PRKN: variants seen among roughly 807,000 people sequenced by gnomAD.
PRKN encodes E3 ubiquitin-protein ligase parkin.
A neutral mutation model predicts 59.5 loss-of-function variants in PRKN; 56 were observed. The observed-to-expected ratio is 0.94, with a 90% CI of 0.76 to 1.18. PRKN has a LOEUF of 1.18. PRKN is among the 50% of genes most tolerant of loss of function. The pLI is 0.00. For missense variants in PRKN, 657 were observed against 596.4 expected, an observed-to-expected ratio of 1.10 and a Z score of -1.06; for synonymous variants, 250 against 222.1, an observed-to-expected ratio of 1.13 and a Z score of -1.12.
At chr6:161,993,089 G>T (rs1309342307) in intron 5 of PRKN, among the ~76,000 whole-genome samples, 1 of 151,808 alleles carries the variant, frequency 6.6e-6, no homozygotes. Flanking sequence ...TTAGTAGAAG[G>T]AAAGAAATAA....
intron 3 of PRKN, among the ~76,000 whole-genome samples, chr6:162,250,211 A>G (rs1348320635): frequency 6.6e-6 from 1 of 152,012 alleles, no homozygotes; most frequent in Non-Finnish European, 1.5e-5. Context: ...AATGGAGTGT[A>G]AAAAAATAGC....
chr6:161,991,336 G>T (rs944376810), intron 5 of PRKN, among the ~76,000 whole-genome samples: 140 of 152,140 alleles, frequency 9.2e-4, no homozygotes, highest in African/African-American at 3.3e-3. Context: ...ACACAAAGGA[G>T]AAATGAAGGA....
At chr6:161,754,014 T>C (rs1357699045) in intron 7 of PRKN, among the ~76,000 whole-genome samples, 3 of 152,080 alleles carry the variant, frequency 2.0e-5, no homozygotes, top group Non-Finnish European at 4.4e-5. Context: ...GCCCAGTGTG[T>C]ATCTGCGGAG....
At chr6:161,662,883 G>A (rs1013112040) in intron 7 of PRKN, among the ~76,000 whole-genome samples, 1 of 152,128 alleles carries the variant, frequency 6.6e-6, no homozygotes, top group African/African-American at 2.4e-5. Flanking sequence ...CGAGGATATT[G>A]ATATGGTTTG....
intron 6 of PRKN, among the ~76,000 whole-genome samples, chr6:161,835,659 G>A (rs545421807): frequency 6.6e-6 from 1 of 152,222 alleles, no homozygotes; most frequent in African/African-American, 2.4e-5. Flanking sequence ...GGGGAGGGTT[G>A]GGGAGGGGCT....
At chr6:162,643,329 T>G (rs1330175268) in intron 1 of PRKN, among the ~76,000 whole-genome samples, 3 of 132,780 alleles carry the variant, frequency 2.3e-5, no homozygotes, top group South Asian at 4.5e-4. Flanking sequence ...ACCCAGGAGG[T>G]GGAGGTTGCA....
intron 7 of PRKN, among the ~76,000 whole-genome samples, chr6:161,719,362 G>A (rs1377470156): frequency 1.3e-5 from 2 of 152,154 alleles, no homozygotes; most frequent in African/African-American, 4.8e-5. Flanking sequence ...GGCATCTAGT[G>A]TAGGGTGGGC....
chr6:161,751,561 A>G (rs570056239), intron 7 of PRKN, among the ~76,000 whole-genome samples: 11 of 152,348 alleles, frequency 7.2e-5, no homozygotes, highest in Non-Finnish European at 1.3e-4. Flanking sequence ...ACAATCATAA[A>G]GTAAGTTAAA....
chr6:161,529,426 C>T lies in PRKN; in HGVS notation c.1083+19428G>A, dbSNP rs1018843290. On this transcript the variant is annotated intron_variant, in intron 9 of 11. Coordinates refer to ENST00000366898, the MANE Select transcript of PRKN (RefSeq NM_004562.3). The surrounding 1 kb of genome is among the most constrained non-coding windows in gnomAD (Gnocchi z 4.4). The stretch of plus-strand genomic sequence containing the variant: ...TCAATACCAGCATGCAAGAAAGCTC[C>T]GAGTCTTAGAGATGGAAGAGGCCTC... 2.0e-5 allele frequency among the ~76,000 whole-genome samples: 3 copies of T among 152,076 alleles called. No individual in the cohort carries two copies. The highest frequency in any genetic ancestry group is 3.2e-3 in the Middle Eastern group (1 of 316).
intron 2 of PRKN, among the ~76,000 whole-genome samples, chr6:162,380,287 C>G (rs140382107): frequency 6.6e-6 from 1 of 151,470 alleles, no homozygotes; most frequent in East Asian, 2.0e-4. Flanking sequence ...AGAGATTTCT[C>G]AAAGGAACAC....
chr6:162,590,687 G>T (rs532430830), intron 1 of PRKN, among the ~76,000 whole-genome samples: 2 of 152,070 alleles, frequency 1.3e-5, no homozygotes, highest in Non-Finnish European at 2.9e-5. Context: ...AATGAAACCC[G>T]TAAGAAACAC....
At chr6:162,509,508 G>A (rs1777490988) in intron 1 of PRKN, among the ~76,000 whole-genome samples, 2 of 152,102 alleles carry the variant, frequency 1.3e-5, no homozygotes, top group South Asian at 4.1e-4. Context: ...GCCTATCTTA[G>A]AACATTCTCT....
chr6:162,365,955 T>G (rs1785416059), intron 2 of PRKN, among the ~76,000 whole-genome samples: 1 of 152,116 alleles, frequency 6.6e-6, no homozygotes, highest in Non-Finnish European at 1.5e-5. Context: ...CAACTTGGAT[T>G]GTAGCACATT....
chr6:162,245,723 T>C (rs4709586), intron 3 of PRKN, among the ~76,000 whole-genome samples: 15,602 of 152,122 alleles, frequency 0.1, 942 homozygotes, highest in South Asian at 0.26. Context: ...TTTTCTGAAT[T>C]TGTGTGTTTG....
At chr6:161,785,612 T>C (rs769034575) in intron 7 of PRKN, among the ~76,000 whole-genome samples, 160 bp downstream of exon 7, 2 of 152,224 alleles carry the variant, frequency 1.3e-5, no homozygotes, top group Non-Finnish European at 2.9e-5. Flanking sequence ...CCCAGAACTT[T>C]TATCTTTTGC....
chr6:162,201,205 A>T lies in PRKN; in HGVS notation c.460T>A (p.Cys154Ser). The T allele has an allele frequency of 6.2e-7, 1 of 1,613,992 alleles. No individual in the cohort carries two copies. ...AGTTTTCCCGGCTGCACTCTTTGACAGGGGCCTTTGCAATACACATAAAAG... is the reference window on the plus strand; with the variant it reads ...AGTTTTCCCGGCTGCACTCTTTGACTGGGGCCTTTGCAATACACATAAAAG... Reference protein sequence around the residue: ...NSFYVYCKGPCQRVQPGKLRV... With the variant: ...NSFYVYCKGPSQRVQPGKLRV... The change falls in exon 4 of 12, where the codon TGT (cysteine) becomes AGT (serine). Residue 154 changes from cysteine to serine, a missense_variant. By Grantham distance (112) the Cys-to-Ser change is moderately radical. Transcript: ENST00000366898.
Position 161,467,338 on chromosome 6 carries a change from C to T in PRKN, c.1084-80461G>A, listed in dbSNP as rs1384098391. On this transcript the variant is annotated intron_variant, in intron 9 of 11. Transcript: ENST00000366898. The surrounding 1 kb of genome is among the most constrained non-coding windows in gnomAD (Gnocchi z 4.3). ...CTGTGCGGTGAATTTGATATAGACA[C>T]ATATAATACGAACACGATTCTAGCC... Among the ~76,000 whole-genome samples the T allele has an allele frequency of 6.6e-6, 1 of 152,172 alleles. No homozygotes were observed. Among genetic ancestry groups the T allele is most frequent in the African/African-American group, 2.4e-5 (1 of 41,434 alleles).
chr6:161,426,843 C>T (rs899683414), intron 9 of PRKN, among the ~76,000 whole-genome samples: 1 of 151,970 alleles, frequency 6.6e-6, no homozygotes, highest in Non-Finnish European at 1.5e-5. Context: ...CTCAGCCTTC[C>T]GAGTAGCTGG....
intron 3 of PRKN, among the ~76,000 whole-genome samples, chr6:162,210,924 A>G (rs1318444326): frequency 6.6e-6 from 1 of 152,204 alleles, no homozygotes; most frequent in Non-Finnish European, 1.5e-5. Flanking sequence ...TTTAATATGA[A>G]TGGCAGACTT....
Sources: gnomAD v4.1 joint callset for allele counts (sites outside exome capture counted in the v4.1 genomes callset) on GRCh38, gnomAD v4.1.1 for gene constraint, Gnocchi (gnomAD v3.1) non-coding constraint, MANE v1.5 for transcripts, NCBI Gene and HGNC (gene_info 2026-07-23, HGNC 2026-07-21) for gene names.